The following ZSCAN18 variants were observed in gnomAD, a reference collection of about 807,000 sequenced individuals.
The protein encoded by ZSCAN18 is zinc finger and SCAN domain containing 18, also known as zinc finger and SCAN domain-containing protein 18.
ZSCAN18 carries 16 observed loss-of-function variants against 31.1 expected under a neutral mutation model. That is an observed-to-expected ratio of 0.51 (90% CI 0.35 to 0.78). ZSCAN18 has a LOEUF of 0.78. ZSCAN18 is among the 30% of genes least tolerant of loss of function. ZSCAN18 has a pLI of 0.01. For missense variants in ZSCAN18, 731 were observed against 697.4 expected (o/e 1.05, Z -0.54); for synonymous variants, 375 against 320.7 (o/e 1.17, Z -1.81).
chr19:58,088,696 G>A lies in ZSCAN18; in HGVS notation c.545C>T (p.Ser182Phe). Residue 182 changes from serine (S) to phenylalanine (F), a missense_variant, in exon 3 of 7, where the codon TCT (serine) becomes TTT (phenylalanine). By Grantham distance (155) the Ser-to-Phe change is radical. Transcript: ENST00000601144. ...ALGAGEIPAPSETPWLSPDPL... is the reference protein window; with the variant it reads ...ALGAGEIPAPFETPWLSPDPL... ...GCTAGCTGGGCACTCACGTGTCTCA[G>A]AAGGTGCCGGGATCTCCCCAGCTCC... 1.2e-6 allele frequency: 2 copies of A among 1,609,384 alleles called. No homozygotes were observed. Among genetic ancestry groups the A allele is most frequent in the African/African-American group, 1.3e-5 (1 of 75,052 alleles).
chr19:58,095,503 C>T (rs954938186), intron 1 of ZSCAN18, among the ~76,000 whole-genome samples: 6 of 152,210 alleles, frequency 3.9e-5, no homozygotes, highest in Non-Finnish European at 7.3e-5. Flanking sequence ...AGGCCTCCTG[C>T]CGGCCCTCCC....
In ZSCAN18 at chr19:58,086,983, G is replaced by T; in HGVS notation, c.668C>A (p.Pro223His). The change falls in exon 5 of 7, where the codon CCT becomes CAT. Residue 223 changes from proline to histidine, a missense_variant. Transcript: ENST00000601144. ...GTGGCCCCACTCCCCCAGGTGCTGA[G>T]GGTCCTCTGGAAAGGACTTCAGCTT... is the stretch of plus-strand genomic sequence containing the variant. The part of the protein sequence containing the change: ...EQKLKSFPED[P>H]QHLGEWGHLD... The T allele has an allele frequency of 6.2e-7, 1 of 1,613,742 alleles. No homozygotes were observed. Among genetic ancestry groups the T allele is most frequent in the South Asian group, 1.1e-5 (1 of 91,070 alleles).
At chr19:58,098,302 C>G, upstream of ZSCAN18, 1 of 985,470 alleles carries the variant, frequency 1.0e-6, no homozygotes, top group Non-Finnish European at 1.2e-6. Context: ...CGAGGCTGTG[C>G]CGCGCACCGG....
intron 2 of ZSCAN18, 142 bp downstream of exon 2, chr19:58,089,723 C>G (rs2074371796): frequency 3.2e-6 from 3 of 927,506 alleles, no homozygotes; most frequent in African/African-American, 3.3e-5. Context: ...GCCCAGGCAT[C>G]TGTCCTGGCC....
chr19:58,094,410 CAAAAA>C (rs563713590), intron 1 of ZSCAN18, among the ~76,000 whole-genome samples: 116 of 101,510 alleles, frequency 1.1e-3, no homozygotes, highest in African/African-American at 4.0e-3. Flanking sequence ...GACTCTGTCT[CAAAAA>C]AAAAAAAAAG....
chr19:58,098,265 C>T (rs928910355), upstream of ZSCAN18: 6 of 985,424 alleles, frequency 6.1e-6, no homozygotes, highest in Non-Finnish European at 7.2e-6. Flanking sequence ...CTGGGCCTCA[C>T]CGCGGACTAC....
intron 1 of ZSCAN18, among the ~76,000 whole-genome samples, chr19:58,105,600 G>A (rs1600006457): frequency 6.6e-6 from 1 of 152,312 alleles, no homozygotes; most frequent in East Asian, 1.9e-4. Flanking sequence ...GGCAGAGCTT[G>A]CAGTGAGCAG....
chr19:58,084,122 C>G lies in ZSCAN18; in HGVS notation c.*563G>C, dbSNP rs1416895544. On this transcript the variant is annotated 3_prime_UTR_variant, in exon 7 of 7. Coordinates refer to ENST00000601144, the MANE Select transcript of ZSCAN18 (RefSeq NM_001145543.2). The surrounding 1 kb of genome is among the most constrained non-coding windows in gnomAD (Gnocchi z 4.5). ...GGGCTGGGACCCACGGTCTGAAAACCCTGCCTTAGGCTGCAAGCATTTCTG... is the reference window on the plus strand; with the variant it reads ...GGGCTGGGACCCACGGTCTGAAAACGCTGCCTTAGGCTGCAAGCATTTCTG... 1 of 152,232 alleles carries G rather than the reference C, an allele frequency of 6.6e-6. No individual in the cohort carries two copies. The highest frequency in any genetic ancestry group is 2.4e-5 in the African/African-American group (1 of 41,430). The allele number at this position is 152,232 out of a possible 1,614,324, so 9.4% of individuals were successfully genotyped here. A position where few individuals can be genotyped will look rare whatever the true frequency, so the allele number is the denominator to read the frequency against.
chr19:58,107,993 A>C, intron 1 of ZSCAN18: 1 of 1,039,414 alleles, frequency 9.6e-7, no homozygotes, highest in Non-Finnish European at 1.2e-6. Flanking sequence ...AAAGTTTGAC[A>C]CTGGTTACAG....
intron 2 of ZSCAN18, among the ~76,000 whole-genome samples, chr19:58,089,581 G>A (rs1297985784): frequency 6.6e-6 from 1 of 152,044 alleles, no homozygotes; most frequent in African/African-American, 2.4e-5. Context: ...AGCTGAGATT[G>A]CGCCACTGCG....
intron 1 of ZSCAN18, among the ~76,000 whole-genome samples, chr19:58,114,965 T>C (rs1396122819): frequency 1.3e-5 from 2 of 152,194 alleles, no homozygotes; most frequent in South Asian, 2.1e-4. Context: ...GGGAAAAATA[T>C]GATGCTAGCG....
chr19:58,086,629 G>A, intron 5 of ZSCAN18: 1 of 501,426 alleles, frequency 2.0e-6, no homozygotes, highest in Non-Finnish European at 3.5e-6. Context: ...CCCTGTATCT[G>A]GCAAGGAGGG....
rs527843373 is a variant in ZSCAN18, at chr19:58,084,519, C to T, written c.*166G>A. ...CAGAGGTGAGGGCTTCCCGTGGACCCTTCTCGTTGGGAGCGCTTAGCCTCA... is the reference window on the plus strand; with the variant it reads ...CAGAGGTGAGGGCTTCCCGTGGACCTTTCTCGTTGGGAGCGCTTAGCCTCA... On this transcript the variant is annotated 3_prime_UTR_variant, in exon 7 of 7. Transcript: ENST00000601144. This position sits in a 1 kb window ranked among gnomAD's most constrained non-coding sequence, Gnocchi z 4.5. 5.7e-5 allele frequency: 38 copies of T among 662,694 alleles called. No individual in the cohort carries two copies. In the South Asian group the frequency reaches 1.0e-3, roughly 18 times the overall value. The allele number at this position is 662,694 out of a possible 1,614,324, so 41.1% of individuals were successfully genotyped here.
At chr19:58,100,117 C>T (rs1335227964), upstream of ZSCAN18, among the ~76,000 whole-genome samples, 2 of 147,442 alleles carry the variant, frequency 1.4e-5, no homozygotes, top group Admixed American at 6.9e-5. Flanking sequence ...CGCTACCATA[C>T]CCAGCTAATT....
At chr19:58,105,909 G>A (rs1466110716) in intron 1 of ZSCAN18, among the ~76,000 whole-genome samples, 2 of 152,100 alleles carry the variant, frequency 1.3e-5, no homozygotes, top group Non-Finnish European at 2.9e-5. Context: ...AACCCAGGTG[G>A]CAGAGGCTGC....
chr19:58,102,074 T>C (rs962109809), upstream of ZSCAN18, among the ~76,000 whole-genome samples: 14 of 152,094 alleles, frequency 9.2e-5, no homozygotes, highest in African/African-American at 3.4e-4. Context: ...ACACACACGA[T>C]TACTGACCAA....
chr19:58,102,701 CA>C (rs11315194), upstream of ZSCAN18, among the ~76,000 whole-genome samples: 117,898 of 151,918 alleles, frequency 0.78, 46,207 homozygotes, highest in Non-Finnish European at 0.85. Context: ...ATCTCAGCAA[CA>C]AGATTTTTTC....
upstream of ZSCAN18, among the ~76,000 whole-genome samples, chr19:58,101,039 C>G (rs947457804): frequency 6.6e-6 from 1 of 152,058 alleles, no homozygotes; most frequent in Non-Finnish European, 1.5e-5. Flanking sequence ...TTCTCGATTC[C>G]GTTCCACTGA....
chr19:58,086,875 G>A (rs2074290918), intron 5 of ZSCAN18, 31 bp downstream of exon 5: 3 of 1,563,850 alleles, frequency 1.9e-6, no homozygotes, highest in Non-Finnish European at 2.6e-6. Flanking sequence ...GATGGGGAGT[G>A]GGGCGTGACC....
Sources: gnomAD v4.1 joint callset for allele counts (sites outside exome capture counted in the v4.1 genomes callset) on GRCh38, gnomAD v4.1.1 for gene constraint, Gnocchi (gnomAD v3.1) non-coding constraint, MANE v1.5 for transcripts, NCBI Gene and HGNC (gene_info 2026-07-23, HGNC 2026-07-21) for gene names.